FAT1: variants seen among roughly 807,000 people sequenced by gnomAD.
FAT1 encodes FAT atypical cadherin 1.
Under a neutral mutation model 329.8 loss-of-function variants are expected in FAT1, and 171 were observed. The ratio of observed to expected loss-of-function variants is 0.52; its 90% CI spans 0.46 to 0.59. FAT1 has a LOEUF of 0.59. Ranked by LOEUF, FAT1 falls within the 20% of genes least tolerant of loss-of-function variation. The pLI is 0.00. For synonymous variants in FAT1, 2,233 were observed against 2,228.6 expected, an observed-to-expected ratio of 1.00 and a Z score of -0.06; for missense variants, 5,672 against 5,774.4, an observed-to-expected ratio of 0.98 and a Z score of 0.57.
intron 3 of FAT1, among the ~76,000 whole-genome samples, chr4:186,662,299 G>C (rs1742212850): frequency 6.6e-6 from 1 of 152,086 alleles, no homozygotes; most frequent in South Asian, 2.1e-4. Context: ...TCAGTACTTA[G>C]TTCTTAGCTC....
chr4:186,603,466 T>A lies in FAT1; in HGVS notation c.11060A>T (p.Glu3687Val), dbSNP rs2126428616. 1 of 1,613,984 alleles carries A rather than the reference T, an allele frequency of 6.2e-7. No homozygotes were observed. Among genetic ancestry groups the A allele is most frequent in the Non-Finnish European group, 8.5e-7 (1 of 1,179,886 alleles). Reference sequence around the variant, plus strand: ...TAAGACGTCCAGATGTGGGTGAGGTTCAGAGGACTGCAAACTAACAATCTG... The same window carrying A: ...TAAGACGTCCAGATGTGGGTGAGGTACAGAGGACTGCAAACTAACAATCTG... ...DIQIVSLQSS[E>V]PHPHLDVLLF... Residue 3687 changes from glutamate (E) to valine (V), a missense_variant, in exon 19 of 27, where the codon GAA (glutamate) becomes GTA (valine). Transcript: ENST00000441802.
intron 12 of FAT1, among the ~76,000 whole-genome samples, 177 bp from the exon 13 acceptor site, chr4:186,613,519 C>T (rs567701624): frequency 4.9e-4 from 74 of 152,344 alleles, no homozygotes; most frequent in African/African-American, 1.7e-3. Flanking sequence ...AGCTCCAGGT[C>T]TCCAACCCTG....
chr4:186,627,589 C>T (rs1004680783), intron 9 of FAT1, among the ~76,000 whole-genome samples: 2 of 152,140 alleles, frequency 1.3e-5, no homozygotes, highest in Non-Finnish European at 2.9e-5. Context: ...GGGTCTAGTC[C>T]TCAACCCAAT....
At chr4:186,644,092 T>C (rs1271237768) in intron 3 of FAT1, among the ~76,000 whole-genome samples, 2 of 152,200 alleles carry the variant, frequency 1.3e-5, no homozygotes, top group African/African-American at 4.8e-5. Context: ...AGTAAGTCAT[T>C]AACAAAGCCA....
At position 186,598,111 on chromosome 4, in the gene FAT1, A is replaced by C. The variant is rs2126403424; in HGVS notation, c.12118T>G (p.Cys4040Gly). ...PSPAGGYYCK[C>G]SALYIGTHCE... ...TGGGTCCCTATGTACAAGGCACTGC[A>C]TTTGCAGTAATAACCTAAATCGGCA... The change falls in exon 23 of 27, where the codon TGC becomes GGC. Residue 4040 changes from cysteine (C) to glycine (G), a missense_variant. Physicochemically the swap from Cys to Gly is radical, Grantham distance 159 (BLOSUM62 -3). Around this residue, in one of 2 missense-constraint regions of FAT1, gnomAD observed 1,706 missense variants for 1,859.1 expected, o/e 0.92. Transcript: ENST00000441802. The C allele has an allele frequency of 6.2e-7, 1 of 1,606,754 alleles. No homozygotes were observed. Among genetic ancestry groups the C allele is most frequent in the Non-Finnish European group, 8.5e-7 (1 of 1,178,140 alleles).
In FAT1 at chr4:186,604,580, C is replaced by T. The variant is rs1739003580; in HGVS notation, c.10351-6G>A. The T allele has an allele frequency of 6.3e-7, 1 of 1,596,368 alleles. No individual in the cohort carries two copies. The highest frequency in any genetic ancestry group is 8.5e-7 in the Non-Finnish European group (1 of 1,171,402). On this transcript the variant is annotated splice_region_variant and splice_polypyrimidine_tract_variant and intron_variant, in intron 17 of 26. Coordinates refer to ENST00000441802, the MANE Select transcript of FAT1 (RefSeq NM_005245.4). The stretch of plus-strand genomic sequence containing the variant: ...AAGCCCACTGGCTTATTTTCCTGCA[C>T]AAGATTAGAAACAAAATTAAACAAA...
upstream of FAT1, among the ~76,000 whole-genome samples, chr4:186,726,021 C>T (rs954591234): frequency 2.6e-5 from 4 of 152,234 alleles, no homozygotes; most frequent in African/African-American, 9.6e-5. Flanking sequence ...GACTAGAGGG[C>T]GCTGCGCCCC....
rs376769079 is a variant in FAT1 at position 186,603,941 on chromosome 4, T to C, written c.10585A>G (p.Thr3529Ala). ...TCAATTACCCTAATGTCAATGTATG[T>C]CAAAGATGACAACTGAGGCTTTCCA... ...DNGKPQLSSL[T>A]YIDIRVIEES... is the part of the protein sequence containing the mutation. Residue 3529 changes from threonine to alanine, a missense_variant, in exon 19 of 27, where the codon ACA becomes GCA. Physicochemically the swap from Thr to Ala is moderately conservative, Grantham distance 58 (BLOSUM62 0). Around this residue, in one of 2 missense-constraint regions of FAT1, gnomAD observed 1,706 missense variants for 1,859.1 expected, o/e 0.92. Coordinates refer to ENST00000441802, the MANE Select transcript of FAT1 (RefSeq NM_005245.4). The C allele has an allele frequency of 4.8e-5, 78 of 1,613,658 alleles. No individual in the cohort carries two copies. Among genetic ancestry groups the C allele is most frequent in the Non-Finnish European group, 6.4e-5 (75 of 1,179,714 alleles).
At chr4:186,605,170 C>T (rs1457452823) in intron 17 of FAT1, among the ~76,000 whole-genome samples, 4 of 132,276 alleles carry the variant, frequency 3.0e-5, no homozygotes, top group African/African-American at 8.6e-5. Flanking sequence ...GAGCTGAGAT[C>T]GTGCCATTGC....
At chr4:186,600,614 A>G (rs1738767570) in intron 21 of FAT1, among the ~76,000 whole-genome samples, 1 of 152,278 alleles carries the variant, frequency 6.6e-6, no homozygotes, top group Non-Finnish European at 1.5e-5. Context: ...ACACATAAGC[A>G]TTAGGTAATA....
intron 9 of FAT1, among the ~76,000 whole-genome samples, chr4:186,623,661 TTGC>T (rs1418804966): frequency 6.6e-6 from 1 of 152,160 alleles, no homozygotes; most frequent in East Asian, 1.9e-4. Flanking sequence ...TCTGCAAAAC[TTGC>T]TCCCTGCCCT....
chr4:186,656,333 C>T (rs1741903440), intron 3 of FAT1, among the ~76,000 whole-genome samples: 2 of 152,156 alleles, frequency 1.3e-5, no homozygotes, highest in Admixed American at 1.3e-4. Context: ...GCAGTCCTTC[C>T]CCACTCAATG....
At chr4:186,611,917 A>C (rs1739466795) in intron 13 of FAT1, 142 bp from the exon 14 acceptor site, 1 of 601,888 alleles carries the variant, frequency 1.7e-6, no homozygotes, top group East Asian at 3.1e-5. Context: ...TCTGTCCCCC[A>C]GGTTCAAGCA....
Position 186,628,277 on chromosome 4 carries a change from T to A in FAT1, c.4687A>T (p.Thr1563Ser), listed in dbSNP as rs2126542562. ...SDTNDHAPWFTASSYKGRVYE... is the reference protein window; with the variant it reads ...SDTNDHAPWFSASSYKGRVYE... ...ACCCGCCCTTTGTAGGAGGAAGCGG[T>A]GAACCACGGGGCGTGGTCATTCGTG... The change falls in exon 9 of 27, where the codon ACC (threonine) becomes TCC (serine). Residue 1563 changes from threonine to serine, a missense_variant. Thr to Ser is a moderately conservative substitution (Grantham distance 58, BLOSUM62 1). Coordinates refer to ENST00000441802, the MANE Select transcript of FAT1 (RefSeq NM_005245.4). The A allele has an allele frequency of 6.2e-7, 1 of 1,613,804 alleles. No individual in the cohort carries two copies. Among genetic ancestry groups the A allele is most frequent in the Non-Finnish European group, 8.5e-7 (1 of 1,179,822 alleles).
intron 3 of FAT1, among the ~76,000 whole-genome samples, chr4:186,646,101 C>T (rs540948341): frequency 9.2e-5 from 14 of 151,844 alleles, no homozygotes; most frequent in African/African-American, 2.9e-4. Flanking sequence ...ATCTGTAGTA[C>T]GAGTCATCGA....
chr4:186,612,113 CTTTT>C (rs1343261553), intron 13 of FAT1, among the ~76,000 whole-genome samples: 2 of 124,322 alleles, frequency 1.6e-5, no homozygotes, highest in Admixed American at 1.7e-4. Context: ...CCGGCCAACG[CTTTT>C]TTTTTTTTTT....
intron 22 of FAT1, 47 bp downstream of exon 22, chr4:186,599,851 T>G (rs776968938): frequency 1.9e-5 from 27 of 1,408,588 alleles, no homozygotes; most frequent in Middle Eastern, 2.5e-4. Flanking sequence ...TCCCCTTAAA[T>G]GTACACACGT....
intron 3 of FAT1, among the ~76,000 whole-genome samples, 183 bp downstream of exon 3, chr4:186,663,116 G>A (rs1425972671): frequency 1.3e-5 from 2 of 152,184 alleles, no homozygotes. Flanking sequence ...GATTACAGGC[G>A]TGAGCCACTG....
chr4:186,725,667 A>G (rs1407888551), upstream of FAT1, among the ~76,000 whole-genome samples: 1 of 152,150 alleles, frequency 6.6e-6, no homozygotes, highest in African/African-American at 2.4e-5. This position sits in a 1 kb window ranked among gnomAD's most constrained non-coding sequence, Gnocchi z 5.4. Flanking sequence ...GGACATGCCT[A>G]TTAGCTACCA....
Sources: gnomAD v4.1 joint callset for allele counts (sites outside exome capture counted in the v4.1 genomes callset) on GRCh38, gnomAD v4.1.1 for gene constraint, gnomAD v4.1.1 regional missense constraint, Gnocchi (gnomAD v3.1) non-coding constraint, MANE v1.5 for transcripts, NCBI Gene and HGNC (gene_info 2026-07-23, HGNC 2026-07-21) for gene names.